Variants in SLC8A1 observed in about 807,000 individuals in gnomAD.
SLC8A1 encodes solute carrier family 8 member A1.
In SLC8A1, 18 loss-of-function variants were observed where a neutral mutation model predicts 68.3. The ratio of observed to expected loss-of-function variants is 0.26; its 90% CI spans 0.18 to 0.39. The LOEUF is 0.39. Ranked by LOEUF, SLC8A1 falls within the 10% of genes least tolerant of loss-of-function variation. The pLI, the probability that SLC8A1 is intolerant of heterozygous loss-of-function variation, is 1.00. For synonymous variants in SLC8A1, 475 were observed against 415.5 expected (o/e 1.14, Z -1.74); for missense variants, 985 against 1,156.7 (o/e 0.85, Z 2.15).
chr2:40,380,831 G>T (rs149546471), intron 2 of SLC8A1, among the ~76,000 whole-genome samples: 383 of 152,166 alleles, frequency 2.5e-3, no homozygotes, highest in African/African-American at 8.7e-3. Context: ...TAAAATGAGG[G>T]TTACCAGGTG....
chr2:40,446,778 T>A (rs1415133799), intron 1 of SLC8A1: 1 of 152,186 alleles, frequency 6.6e-6, no homozygotes, highest in Non-Finnish European at 1.5e-5. Context: ...AAATGATGCT[T>A]CCTTGTCCTG....
At chr2:40,253,227 A>G (rs1212661190) in intron 2 of SLC8A1, among the ~76,000 whole-genome samples, 3 of 150,100 alleles carry the variant, frequency 2.0e-5, no homozygotes, top group Admixed American at 6.7e-5. Flanking sequence ...ATTTACATAT[A>G]CATACATGTG....
intron 2 of SLC8A1, among the ~76,000 whole-genome samples, chr2:40,419,601 A>C (rs952825910): frequency 6.6e-6 from 1 of 152,082 alleles, no homozygotes; most frequent in South Asian, 2.1e-4. Context: ...TACAAATCCC[A>C]GGAACACAGA....
At chr2:40,333,437 C>CAAAAAA (rs11392390) in intron 2 of SLC8A1, among the ~76,000 whole-genome samples, 4 of 73,788 alleles carry the variant, frequency 5.4e-5, no homozygotes, top group Admixed American at 1.5e-4. Flanking sequence ...GACTCCGTCT[C>CAAAAAA]AAAAAAAAAA....
In SLC8A1 at chr2:40,181,071, T is replaced by C. The variant is rs1340370753; in HGVS notation, c.1809-3216A>G. On this transcript the variant is annotated intron_variant, in intron 2 of 7. Transcript: ENST00000406785. ...GCCTCCCAGGTTCAAGCGATTCCCCTGCCTCAGCCTCCTGAGTAGCTGGGA... is the reference window on the plus strand; with the variant it reads ...GCCTCCCAGGTTCAAGCGATTCCCCCGCCTCAGCCTCCTGAGTAGCTGGGA... Among the ~76,000 whole-genome samples, 3 of 152,216 alleles carry C rather than the reference T, an allele frequency of 2.0e-5. No homozygotes were observed. In the East Asian group the frequency reaches 5.8e-4, roughly 29 times the overall value.
chr2:40,489,505 C>G (rs1705184385), intron 1 of SLC8A1, among the ~76,000 whole-genome samples: 1 of 152,124 alleles, frequency 6.6e-6, no homozygotes, highest in African/African-American at 2.4e-5. Context: ...TCTCACTTTT[C>G]TGACATTCAA....
intron 1 of SLC8A1, among the ~76,000 whole-genome samples, chr2:40,473,554 G>T (rs75019481): frequency 0.034 from 5,228 of 152,138 alleles, 205 homozygotes; most frequent in Admixed American, 0.1. Context: ...TACATGTTTT[G>T]TTGATTGCTA....
Position 40,350,065 on chromosome 2 carries a change from T to C in SLC8A1, c.1808+78408A>G, listed in dbSNP as rs1670580570. On this transcript the variant is annotated intron_variant, in intron 2 of 7. Transcript: ENST00000406785. ...TAAACTCACAGCTTAGCCACCCTTT[T>C]ATTAATTTTTTGTTGTTTTCCTTAC... is the stretch of plus-strand genomic sequence containing the variant. Among the ~76,000 whole-genome samples the C allele has an allele frequency of 2.6e-5, 4 of 152,196 alleles. No individual in the cohort carries two copies. In the South Asian group the frequency reaches 8.3e-4, roughly 31 times the overall value.
intron 4 of SLC8A1, chr2:40,170,325 T>G: frequency 3.1e-6 from 5 of 1,614,134 alleles, no homozygotes; most frequent in Non-Finnish European, 4.2e-6. Flanking sequence ...TTCTCTAGCA[T>G]GAACCTTCCT....
chr2:40,117,392 CAAAAAAA>C (rs70957144), intron 7 of SLC8A1, among the ~76,000 whole-genome samples: 3 of 58,746 alleles, frequency 5.1e-5, no homozygotes, highest in East Asian at 4.2e-4. Context: ...ACTAAAAATA[CAAAAAAA>C]AAAAAAAAAA....
intron 2 of SLC8A1, among the ~76,000 whole-genome samples, chr2:40,247,432 ATATGTG>A (rs1558939445): frequency 4.1e-5 from 3 of 72,988 alleles, no homozygotes; most frequent in Non-Finnish European, 1.0e-4. Context: ...AACAGCATAT[ATATGTG>A]TGTGTGTGTG....
intron 3 of SLC8A1, among the ~76,000 whole-genome samples, chr2:40,177,212 A>G (rs763987994): frequency 5.9e-5 from 9 of 151,982 alleles, no homozygotes; most frequent in Non-Finnish European, 1.0e-4. Flanking sequence ...TGAAAATACT[A>G]CTCTTTAAGG....
chr2:40,363,760 G>C (rs1227905495), intron 2 of SLC8A1, among the ~76,000 whole-genome samples: 2 of 152,026 alleles, frequency 1.3e-5, no homozygotes, highest in Non-Finnish European at 2.9e-5. Context: ...CAGTTGTTAT[G>C]AGGACTGTGC....
intron 2 of SLC8A1, among the ~76,000 whole-genome samples, chr2:40,350,618 A>AAAAAC (rs1670777077): frequency 7.9e-6 from 1 of 126,022 alleles, no homozygotes; most frequent in Non-Finnish European, 1.6e-5. Context: ...AAAAAAAAAA[A>AAAAAC]AAGGCATTTC....
intron 1 of SLC8A1, among the ~76,000 whole-genome samples, chr2:40,447,049 A>G (rs1004924824): frequency 1.3e-5 from 2 of 152,210 alleles, no homozygotes; most frequent in Non-Finnish European, 2.9e-5. Context: ...CTCACTTACC[A>G]TGCAATGATA....
chr2:40,245,140 A>G (rs1402540545), intron 2 of SLC8A1, among the ~76,000 whole-genome samples: 1 of 135,998 alleles, frequency 7.4e-6, no homozygotes, highest in Non-Finnish European at 1.6e-5. Flanking sequence ...ATAATTCAGT[A>G]TAAATTAGGA....
chr2:40,401,645 GAAAA>G (rs68092033), intron 2 of SLC8A1, among the ~76,000 whole-genome samples: 1 of 143,268 alleles, frequency 7.0e-6, no homozygotes, highest in African/African-American at 2.5e-5. Context: ...CACATTAAGT[GAAAA>G]AAAAAAAAAA....
At chr2:40,263,381 GC>G (rs2064954970) in intron 2 of SLC8A1, among the ~76,000 whole-genome samples, 1 of 152,272 alleles carries the variant, frequency 6.6e-6, no homozygotes, top group East Asian at 1.9e-4. Flanking sequence ...CCAAAAAAGA[GC>G]CCACATTGCC....
At chr2:40,256,430 CA>C (rs1394640338) in intron 2 of SLC8A1, among the ~76,000 whole-genome samples, 1 of 152,092 alleles carries the variant, frequency 6.6e-6, no homozygotes, top group Non-Finnish European at 1.5e-5. Context: ...TATGCATTTA[CA>C]TGACAAAAAA....
Sources: gnomAD v4.1 joint callset for allele counts (sites outside exome capture counted in the v4.1 genomes callset) on GRCh38, gnomAD v4.1.1 for gene constraint, MANE v1.5 for transcripts, NCBI Gene and HGNC (gene_info 2026-07-23, HGNC 2026-07-21) for gene names.